STAT4: variants seen among roughly 807,000 people sequenced by gnomAD.
The protein encoded by STAT4 is signal transducer and activator of transcription 4.
In STAT4, 42 loss-of-function variants were observed where a neutral mutation model predicts 110.5. That is an observed-to-expected ratio of 0.38 (90% CI 0.30 to 0.49). The LOEUF is 0.49. Among genes scored for constraint, STAT4 ranks in the 20% least tolerant of loss-of-function variants. The pLI is 0.95. For synonymous variants in STAT4, 284 were observed against 302.2 expected (o/e 0.94, Z 0.63); for missense variants, 632 against 887.9 (o/e 0.71, Z 3.66).
rs1359654955 is a variant in STAT4 at position 191,082,280 on chromosome 2, A to G, written c.274-5955T>C. ...AGTGACAAATGGTTGCTTCACAAATATCAAATTTGTACCCTGCTGATTTGT... is the reference window on the plus strand; with the variant it reads ...AGTGACAAATGGTTGCTTCACAAATGTCAAATTTGTACCCTGCTGATTTGT... On this transcript the variant is annotated intron_variant, in intron 3 of 23. Transcript: ENST00000392320. This position sits in a 1 kb window ranked among gnomAD's most constrained non-coding sequence, Gnocchi z 4.7. 6.6e-6 allele frequency among the ~76,000 whole-genome samples: 1 copy of G among 152,214 alleles called. No individual in the cohort carries two copies. Among genetic ancestry groups the G allele is most frequent in the African/African-American group, 2.4e-5 (1 of 41,456 alleles).
At chr2:191,075,681 G>T (rs969821421) in intron 4 of STAT4, among the ~76,000 whole-genome samples, 1 of 152,142 alleles carries the variant, frequency 6.6e-6, no homozygotes, top group African/African-American at 2.4e-5. Context: ...ACTCTGGAAA[G>T]ACATGGTAAT....
At chr2:191,139,180 A>G (rs1489317497) in intron 3 of STAT4, among the ~76,000 whole-genome samples, 1 of 152,042 alleles carries the variant, frequency 6.6e-6, no homozygotes, top group East Asian at 1.9e-4. Flanking sequence ...TCCCCCCGAG[A>G]GCTGGAACAA....
rs1183599679 is a variant in STAT4, at chr2:191,051,619, T to C, written c.1251+2871A>G. Among the ~76,000 whole-genome samples, 1 of 152,194 alleles carries C rather than the reference T, an allele frequency of 6.6e-6. No individual in the cohort carries two copies. Among genetic ancestry groups the C allele is most frequent in the Non-Finnish European group, 1.5e-5 (1 of 68,030 alleles). On this transcript the variant is annotated intron_variant, in intron 14 of 23. Transcript: ENST00000392320. The surrounding 1 kb of genome is among the most constrained non-coding windows in gnomAD (Gnocchi z 5.6). ...TCTGAGGAAGCATTATTTTAAATTA[T>C]GGTGTGAGACAGACATGATTTCGGA...
Position 191,099,523 on chromosome 2 carries a change from C to G in STAT4, c.274-23198G>C, listed in dbSNP as rs56256347. Among the ~76,000 whole-genome samples, 2,317 of 152,108 alleles carry G rather than the reference C, an allele frequency of 0.015. 44 individuals are homozygous for G. Among genetic ancestry groups the G allele is most frequent in the African/African-American group, 0.046 (1,893 of 41,498 alleles). On this transcript the variant is annotated intron_variant, in intron 3 of 23. Coordinates refer to ENST00000392320, the MANE Select transcript of STAT4 (RefSeq NM_003151.4). The surrounding 1 kb of genome is among the most constrained non-coding windows in gnomAD (Gnocchi z 4.1). ...TCCTACCATTAAAATGGAGGGATTT[C>G]TGTTACGTAAAATTTGGAAAGCAGA... is the stretch of plus-strand genomic sequence containing the variant.
chr2:191,057,894 G>C (rs111605806), intron 13 of STAT4, 124 bp downstream of exon 13: 3 of 892,876 alleles, frequency 3.4e-6, no homozygotes, highest in Non-Finnish European at 5.2e-6. Context: ...CACCGTGCCC[G>C]GCCGGTTCCT....
Position 191,117,956 on chromosome 2 carries a change from T to C in STAT4, c.273+28657A>G, listed in dbSNP as rs1362244830. 1.3e-5 allele frequency among the ~76,000 whole-genome samples: 2 copies of C among 152,172 alleles called. No individual in the cohort carries two copies. The highest frequency in any genetic ancestry group is 2.9e-5 in the Non-Finnish European group (2 of 68,028). On this transcript the variant is annotated intron_variant, in intron 3 of 23. Coordinates refer to ENST00000392320, the MANE Select transcript of STAT4 (RefSeq NM_003151.4). The surrounding 1 kb of genome is among the most constrained non-coding windows in gnomAD (Gnocchi z 5.2). ...CTATCTACACTGTTCAAGAGGAAGA[T>C]AGATGGGACACAGTATCCTCCAAAG...
At chr2:191,065,183 C>A (rs183541438) in intron 7 of STAT4, among the ~76,000 whole-genome samples, 117 of 152,150 alleles carry the variant, frequency 7.7e-4, no homozygotes, top group Non-Finnish European at 1.2e-3. Flanking sequence ...ACATTCTCAT[C>A]GTGTTTCAGT....
chr2:191,062,857 T>C lies in STAT4; in HGVS notation c.846A>G (p.Gln282=), dbSNP rs755772067. The C allele has an allele frequency of 3.1e-6, 5 of 1,613,982 alleles. No homozygotes were observed. The highest frequency in any genetic ancestry group is 1.7e-4 in the Middle Eastern group (1 of 6,060). Residue 282 remains glutamine (Q), a synonymous_variant, in exon 9 of 24, where the codon CAA becomes CAG. Transcript: ENST00000392320. This position sits in a 1 kb window ranked among gnomAD's most constrained non-coding sequence, Gnocchi z 4.9. Reference sequence around the variant, plus strand: ...CACCTTCATATGTCATTTTGGTAGATTGCTCCTCTAGTTTCTCCAATTGCC... The same window carrying C: ...CACCTTCATATGTCATTTTGGTAGACTGCTCCTCTAGTTTCTCCAATTGCC... ...LRRQLEKLEE[Q]STKMTYEGDP... is the part of the protein sequence containing the mutation.
In STAT4 at chr2:191,031,539, G is replaced by A; in HGVS notation, c.2045-23C>T. The A allele has an allele frequency of 6.2e-7, 1 of 1,603,194 alleles. No homozygotes were observed. Among genetic ancestry groups the A allele is most frequent in the Non-Finnish European group, 8.5e-7 (1 of 1,174,376 alleles). Reference sequence around the variant, plus strand: ...AAACTGGAAAACAAAAAGGCACAATGTTGGGGAAAAAAATGTCAATATTAT... The same window carrying A: ...AAACTGGAAAACAAAAAGGCACAATATTGGGGAAAAAAATGTCAATATTAT... On this transcript the variant is annotated intron_variant, in intron 21 of 23. Transcript: ENST00000392320. The surrounding 1 kb of genome is among the most constrained non-coding windows in gnomAD (Gnocchi z 4.8).
In STAT4 at chr2:191,059,040, C is replaced by T. The variant is rs111616059; in HGVS notation, c.1035-271G>A. Reference sequence around the variant, plus strand: ...TTCAGTTGATGTTTGCTGGATAATACGTTGGCCAGGTCAGAAAAAAAAAAG... The same window carrying T: ...TTCAGTTGATGTTTGCTGGATAATATGTTGGCCAGGTCAGAAAAAAAAAAG... On this transcript the variant is annotated intron_variant, in intron 10 of 23. Transcript: ENST00000392320. The surrounding 1 kb of genome is among the most constrained non-coding windows in gnomAD (Gnocchi z 4.7). Among the ~76,000 whole-genome samples the T allele has an allele frequency of 8.0e-4, 121 of 151,550 alleles. No individual in the cohort carries two copies. Among genetic ancestry groups the T allele is most frequent in the African/African-American group, 1.8e-3 (76 of 41,290 alleles).
At position 191,032,924 on chromosome 2, in the gene STAT4, G is replaced by GA. The variant is rs199645212; in HGVS notation, c.2044+33dup. The stretch of plus-strand genomic sequence containing the variant: ...TGAGGTTATTTTCCAAAATCTTAAG[G>GA]AAAAAAAAACAAAAACAAACAGAAA... On this transcript the variant is annotated intron_variant, in intron 21 of 23. Transcript: ENST00000392320. This position sits in a 1 kb window ranked among gnomAD's most constrained non-coding sequence, Gnocchi z 4.9. The GA allele has an allele frequency of 2.0e-3, 2,923 of 1,479,598 alleles. No individual in the cohort carries two copies. The highest frequency in any genetic ancestry group is 2.8e-3 in the South Asian group (218 of 78,258). 91.7% of individuals were successfully genotyped at this position (1,479,598 alleles called of 1,614,324 possible). A position where few individuals can be genotyped will look rare whatever the true frequency, so the allele number is the denominator to read the frequency against.
chr2:191,127,932 G>A (rs1165903726), intron 3 of STAT4, among the ~76,000 whole-genome samples: 1 of 152,144 alleles, frequency 6.6e-6, no homozygotes, highest in Non-Finnish European at 1.5e-5. Flanking sequence ...AATGACTCAC[G>A]AATGAAATTT....
At chr2:191,114,795 C>T (rs1698529266) in intron 3 of STAT4, among the ~76,000 whole-genome samples, 1 of 152,196 alleles carries the variant, frequency 6.6e-6, no homozygotes, top group South Asian at 2.1e-4. Flanking sequence ...ACAGCAATTA[C>T]AAACGTTGAA....
At position 191,062,126 on chromosome 2, in the gene STAT4, C is replaced by T. The variant is rs1338585338; in HGVS notation, c.942-305G>A. On this transcript the variant is annotated intron_variant, in intron 9 of 23. Coordinates refer to ENST00000392320, the MANE Select transcript of STAT4 (RefSeq NM_003151.4). The surrounding 1 kb of genome is among the most constrained non-coding windows in gnomAD (Gnocchi z 4.9). ...CTGAAGTGCAGTGGCACGATCATAG[C>T]TCACTGCAGTCTCAACCTCCTGAGC... Among the ~76,000 whole-genome samples, 2 of 152,308 alleles carry T rather than the reference C, an allele frequency of 1.3e-5. No individual in the cohort carries two copies. Among genetic ancestry groups the T allele is most frequent in the African/African-American group, 2.4e-5 (1 of 41,556 alleles).
At chr2:191,073,270 C>A in intron 4 of STAT4, 80 bp from the exon 5 acceptor site, 2 of 1,181,780 alleles carry the variant, frequency 1.7e-6, no homozygotes. Context: ...TACAATTCGA[C>A]CTGAGGTCTG....
At chr2:191,056,964 G>A (rs1696714551) in intron 13 of STAT4, among the ~76,000 whole-genome samples, 1 of 151,954 alleles carries the variant, frequency 6.6e-6, no homozygotes, top group South Asian at 2.1e-4. Flanking sequence ...TGTATTTTTA[G>A]TAGAGACGAG....
intron 3 of STAT4, among the ~76,000 whole-genome samples, chr2:191,084,546 C>A (rs1449492721): frequency 6.6e-6 from 1 of 151,880 alleles, no homozygotes; most frequent in Non-Finnish European, 1.5e-5. Flanking sequence ...TACAAGAAGG[C>A]ATGGGGAGGT....
Position 191,037,815 on chromosome 2 carries a change from G to A in STAT4, c.1434+1384C>T, listed in dbSNP as rs780806322. Among the ~76,000 whole-genome samples the A allele has an allele frequency of 1.3e-5, 2 of 152,194 alleles. No homozygotes were observed. The highest frequency in any genetic ancestry group is 2.9e-5 in the Non-Finnish European group (2 of 68,022). The stretch of plus-strand genomic sequence containing the variant: ...GGTTTTTTGTGAACCTGAGAATGGT[G>A]CCTGGAAAAGTGACCAGAAAGCACA... On this transcript the variant is annotated intron_variant, in intron 16 of 23. Coordinates refer to ENST00000392320, the MANE Select transcript of STAT4 (RefSeq NM_003151.4). This position sits in a 1 kb window ranked among gnomAD's most constrained non-coding sequence, Gnocchi z 4.8.
Position 191,042,416 on chromosome 2 carries a change from G to A in STAT4, c.1252-1268C>T, listed in dbSNP as rs898824380. Among the ~76,000 whole-genome samples, 4 of 152,300 alleles carry A rather than the reference G, an allele frequency of 2.6e-5. No homozygotes were observed. Among genetic ancestry groups the A allele is most frequent in the Non-Finnish European group, 5.9e-5 (4 of 68,026 alleles). On this transcript the variant is annotated intron_variant, in intron 14 of 23. Transcript: ENST00000392320. This position sits in a 1 kb window ranked among gnomAD's most constrained non-coding sequence, Gnocchi z 4.2. ...TTCAATAAATATATGGCATGTTGAA[G>A]GCGCAGATCAACCGTTTGTAATGGG...
Sources: allele counts gnomAD v4.1 joint callset (sites outside exome capture counted in the v4.1 genomes callset), GRCh38; gene constraint gnomAD v4.1.1; non-coding constraint Gnocchi (gnomAD v3.1); transcripts MANE v1.5; gene names NCBI Gene and HGNC (gene_info 2026-07-23, HGNC 2026-07-21).